The following CCSER1 variants were observed in gnomAD, a reference collection of about 807,000 sequenced individuals.
The protein encoded by CCSER1 is coiled-coil serine rich protein 1, also known as serine-rich coiled-coil domain-containing protein 1.
CCSER1 carries 41 observed loss-of-function variants against 82.0 expected under a neutral mutation model. The ratio of observed to expected loss-of-function variants is 0.50; its 90% CI spans 0.39 to 0.65. CCSER1 has a LOEUF of 0.65. Ranked by LOEUF, CCSER1 falls within the 30% of genes least tolerant of loss-of-function variation. The probability of loss-of-function intolerance (pLI) is 0.00; values close to 1 mark genes in which losing one functional copy is unlikely to be tolerated. For missense variants in CCSER1, 1,119 were observed against 1,064.2 expected, an observed-to-expected ratio of 1.05 and a Z score of -0.72; for synonymous variants, 414 against 383.9, an observed-to-expected ratio of 1.08 and a Z score of -0.92.
intron 10 of CCSER1, among the ~76,000 whole-genome samples, chr4:91,193,885 G>GT (rs1480610532): frequency 6.6e-6 from 1 of 151,806 alleles, no homozygotes; most frequent in Non-Finnish European, 1.5e-5. Context: ...GGTAAGAGGG[G>GT]TTTTAAAATT....
intron 10 of CCSER1, among the ~76,000 whole-genome samples, chr4:91,238,207 C>A (rs188973784): frequency 6.6e-6 from 1 of 151,862 alleles, no homozygotes; most frequent in African/African-American, 2.4e-5. Flanking sequence ...ATCAGAAGAA[C>A]GTTTAAAAGA....
chr4:91,135,478 T>C (rs998473511), intron 10 of CCSER1, among the ~76,000 whole-genome samples: 1 of 152,236 alleles, frequency 6.6e-6, no homozygotes, highest in African/African-American at 2.4e-5. Flanking sequence ...AATGGTATTC[T>C]AGATGGTGGA....
At chr4:91,290,972 C>T (rs1309226790) in intron 10 of CCSER1, among the ~76,000 whole-genome samples, 1 of 151,482 alleles carries the variant, frequency 6.6e-6, no homozygotes, top group Non-Finnish European at 1.5e-5. Context: ...ATTAAGTTAC[C>T]ATTTTTAATA....
At chr4:90,783,417 T>A (rs530424520) in intron 7 of CCSER1, among the ~76,000 whole-genome samples, 1 of 152,238 alleles carries the variant, frequency 6.6e-6, no homozygotes, top group Admixed American at 6.5e-5. Flanking sequence ...GACACTTAAA[T>A]GGTAATTCCG....
At chr4:91,469,210 A>T (rs935936496) in intron 10 of CCSER1, among the ~76,000 whole-genome samples, 1 of 152,134 alleles carries the variant, frequency 6.6e-6, no homozygotes, top group Admixed American at 6.6e-5. Flanking sequence ...GTTAAACTTC[A>T]TATCTTGGGA....
intron 10 of CCSER1, among the ~76,000 whole-genome samples, chr4:91,170,790 C>T (rs1732667147): frequency 6.6e-6 from 1 of 152,166 alleles, no homozygotes. Context: ...CTGGAACCTA[C>T]CAACCAGCAA....
intron 1 of CCSER1, among the ~76,000 whole-genome samples, chr4:90,216,475 G>T (rs960960804): frequency 1.3e-5 from 2 of 152,188 alleles, no homozygotes; most frequent in African/African-American, 4.8e-5. Flanking sequence ...ACAAAACTGT[G>T]ACAGTCAGAG....
intron 7 of CCSER1, among the ~76,000 whole-genome samples, chr4:90,747,317 T>A (rs1311595086): frequency 2.0e-5 from 3 of 152,224 alleles, no homozygotes; most frequent in Non-Finnish European, 4.4e-5. Context: ...ATAATTTGAC[T>A]TAGTTTAAAC....
At chr4:90,279,336 A>C (rs1728485394) in intron 1 of CCSER1, among the ~76,000 whole-genome samples, 1 of 152,090 alleles carries the variant, frequency 6.6e-6, no homozygotes, top group Admixed American at 6.6e-5. Context: ...AGGGGAGATA[A>C]GAATAAGAAT....
chr4:91,093,224 C>T (rs774906498), intron 10 of CCSER1, among the ~76,000 whole-genome samples: 2 of 152,170 alleles, frequency 1.3e-5, no homozygotes, highest in Admixed American at 1.3e-4. Context: ...TCTTTCTCCT[C>T]GTGGACTGAT....
At chr4:90,238,899 G>T (rs530969451) in intron 1 of CCSER1, among the ~76,000 whole-genome samples, 3 of 151,708 alleles carry the variant, frequency 2.0e-5, no homozygotes, top group African/African-American at 7.3e-5. Context: ...TGCCCAGGCT[G>T]CAGTGCAATG....
intron 8 of CCSER1, among the ~76,000 whole-genome samples, chr4:90,835,140 G>C (rs1761629858): frequency 6.6e-6 from 1 of 152,004 alleles, no homozygotes. Flanking sequence ...GACCACCCTG[G>C]CTAACACGGT....
At chr4:90,592,443 A>C (rs994976518) in intron 5 of CCSER1, among the ~76,000 whole-genome samples, 1 of 152,148 alleles carries the variant, frequency 6.6e-6, no homozygotes, top group Admixed American at 6.6e-5. Flanking sequence ...ATAGTAAAAT[A>C]GCTATATGTT....
At position 90,400,710 on chromosome 4, in the gene CCSER1, T is replaced by G. The variant is rs145026300; in HGVS notation, c.1603+581T>G. 3.0e-3 allele frequency among the ~76,000 whole-genome samples: 454 copies of G among 152,320 alleles called. 5 individuals are homozygous for G. Among genetic ancestry groups the G allele is most frequent in the African/African-American group, 0.011 (438 of 41,578 alleles). ...GGAGCCTGATATATTTGTAATGGCT[T>G]AAATTTATATTAAAGCATAAAATAT... On this transcript the variant is annotated intron_variant, in intron 4 of 10. Coordinates refer to ENST00000509176, the MANE Select transcript of CCSER1 (RefSeq NM_001145065.2).
chr4:90,623,293 C>G (rs1288033505), intron 5 of CCSER1, among the ~76,000 whole-genome samples: 1 of 152,026 alleles, frequency 6.6e-6, no homozygotes, highest in East Asian at 1.9e-4. Context: ...CTCGGCCTCC[C>G]AAAGTGCTGG....
At chr4:91,340,864 ATTTC>A (rs767253776) in intron 10 of CCSER1, among the ~76,000 whole-genome samples, 7 of 152,152 alleles carry the variant, frequency 4.6e-5, no homozygotes, top group Non-Finnish European at 1.0e-4. Flanking sequence ...GTGTTTCTAA[ATTTC>A]TTTAAGTATC....
intron 5 of CCSER1, among the ~76,000 whole-genome samples, chr4:90,490,792 T>C (rs904631881): frequency 4.6e-5 from 7 of 152,322 alleles, no homozygotes; most frequent in Non-Finnish European, 8.8e-5. Context: ...CTTTCCCTAT[T>C]TCTTGTTTTT....
At chr4:90,170,075 A>C (rs1348051582) in intron 1 of CCSER1, among the ~76,000 whole-genome samples, 1 of 151,908 alleles carries the variant, frequency 6.6e-6, no homozygotes, top group East Asian at 1.9e-4. Flanking sequence ...TTTCTCTAAA[A>C]GTTTCCAAAT....
At chr4:91,368,781 C>G (rs1414087081) in intron 10 of CCSER1, among the ~76,000 whole-genome samples, 2 of 152,134 alleles carry the variant, frequency 1.3e-5, no homozygotes, top group Non-Finnish European at 2.9e-5. Flanking sequence ...CTCTGCATTA[C>G]TATAAAGTTT....
Sources: allele counts gnomAD v4.1 joint callset (sites outside exome capture counted in the v4.1 genomes callset), GRCh38; gene constraint gnomAD v4.1.1; transcripts MANE v1.5; gene names NCBI Gene and HGNC (gene_info 2026-07-23, HGNC 2026-07-21).